ROBO2: variants seen among roughly 807,000 people sequenced by gnomAD.
The protein encoded by ROBO2 is roundabout guidance receptor 2.
A neutral mutation model predicts 160.8 loss-of-function variants in ROBO2; 53 were observed. The ratio of observed to expected loss-of-function variants is 0.33; its 90% CI spans 0.26 to 0.41. The LOEUF is 0.41. Ranked by LOEUF, ROBO2 falls within the 10% of genes least tolerant of loss-of-function variation. ROBO2 has a pLI of 1.00. For synonymous variants in ROBO2, 664 were observed against 611.7 expected, an observed-to-expected ratio of 1.09 and a Z score of -1.26; for missense variants, 1,577 against 1,722.4, an observed-to-expected ratio of 0.92 and a Z score of 1.49.
intron 5 of ROBO2, among the ~76,000 whole-genome samples, chr3:77,515,155 A>G (rs2089870448): frequency 6.6e-6 from 1 of 151,726 alleles, no homozygotes; most frequent in Non-Finnish European, 1.5e-5. Flanking sequence ...TCTGATCACA[A>G]TTACAGGCCT....
chr3:77,306,403 G>A (rs1022015998), intron 2 of ROBO2, among the ~76,000 whole-genome samples: 3 of 151,936 alleles, frequency 2.0e-5, no homozygotes, highest in Admixed American at 6.6e-5. Context: ...GCAAAGCAAC[G>A]CAAATGTATA....
At position 77,398,406 on chromosome 3, in the gene ROBO2, CAG is replaced by C. The variant is rs1240149719; in HGVS notation, c.389-79002_389-79001del. The stretch of plus-strand genomic sequence containing the variant: ...GATATTGTTTTGTTCTTGAAACAAT[CAG>C]AGAGATACAATCAGAGAGAAACAGG... On this transcript the variant is annotated intron_variant, in intron 2 of 25. Coordinates refer to ENST00000461745, the Ensembl canonical transcript of ROBO2. 7.9e-5 allele frequency among the ~76,000 whole-genome samples: 12 copies of C among 151,646 alleles called. No individual in the cohort carries two copies. The East Asian group carries it at 1.9e-3, about 25-fold the overall frequency.
chr3:76,991,687 A>G (rs567225993), intron 2 of ROBO2, among the ~76,000 whole-genome samples: 227 of 152,354 alleles, frequency 1.5e-3, no homozygotes, highest in Non-Finnish European at 2.8e-3. Context: ...TTAGATTAAC[A>G]TATTATGCTT....
At chr3:76,024,398 G>A (rs112505032) in intron 2 of ROBO2, among the ~76,000 whole-genome samples, 38 of 150,792 alleles carry the variant, frequency 2.5e-4, no homozygotes, top group East Asian at 5.9e-4. Context: ...ACCTTGAGTC[G>A]AGTTTTCTTT....
At chr3:76,737,983 A>T (rs1317174015) in intron 2 of ROBO2, among the ~76,000 whole-genome samples, 1 of 151,878 alleles carries the variant, frequency 6.6e-6, no homozygotes, top group African/African-American at 2.4e-5. Context: ...AAAATACAAA[A>T]ATTAGCTGGG....
At chr3:76,788,238 G>A (rs1030570041) in intron 2 of ROBO2, among the ~76,000 whole-genome samples, 1 of 151,336 alleles carries the variant, frequency 6.6e-6, no homozygotes, top group African/African-American at 2.4e-5. Context: ...TGTGTGAGAA[G>A]AGGAAACAAT....
chr3:76,447,041 G>T (rs1203966986), intron 2 of ROBO2, among the ~76,000 whole-genome samples: 1 of 152,136 alleles, frequency 6.6e-6, no homozygotes, highest in African/African-American at 2.4e-5. Flanking sequence ...ATTGACAGAT[G>T]GGATCTAATT....
At chr3:76,210,137 A>G (rs1276656253) in intron 2 of ROBO2, among the ~76,000 whole-genome samples, 1 of 152,098 alleles carries the variant, frequency 6.6e-6, no homozygotes, top group African/African-American at 2.4e-5. Context: ...CCCTTCTAAT[A>G]TATGTAAATG....
At chr3:76,910,551 C>A (rs1428432279) in intron 2 of ROBO2, among the ~76,000 whole-genome samples, 1 of 151,602 alleles carries the variant, frequency 6.6e-6, no homozygotes, top group African/African-American at 2.4e-5. Context: ...CATGGTGAAA[C>A]CCCGTCTCTG....
chr3:76,210,486 A>G (rs1703073231), intron 2 of ROBO2, among the ~76,000 whole-genome samples: 1 of 152,088 alleles, frequency 6.6e-6, no homozygotes, highest in African/African-American at 2.4e-5. Flanking sequence ...CCCAAACAGT[A>G]GGTTATATTG....
At chr3:76,757,297 A>G (rs2061029146) in intron 2 of ROBO2, among the ~76,000 whole-genome samples, 1 of 151,850 alleles carries the variant, frequency 6.6e-6, no homozygotes, top group Non-Finnish European at 1.5e-5. Flanking sequence ...GTAAAATGCA[A>G]TTACATGATA....
chr3:77,195,581 T>C (rs2082238628), intron 2 of ROBO2, among the ~76,000 whole-genome samples: 1 of 152,206 alleles, frequency 6.6e-6, no homozygotes, highest in Admixed American at 6.5e-5. Context: ...GAAGTATAGT[T>C]CACAGCAAAC....
chr3:76,965,819 TATTA>T (rs2059256568), intron 2 of ROBO2, among the ~76,000 whole-genome samples: 1 of 114,434 alleles, frequency 8.7e-6, no homozygotes, highest in South Asian at 2.7e-4. Context: ...ATTTCTTTAA[TATTA>T]ATTATTATTT....
At chr3:77,010,833 C>T (rs1161634364) in intron 2 of ROBO2, among the ~76,000 whole-genome samples, 1 of 64,022 alleles carries the variant, frequency 1.6e-5, no homozygotes, top group Non-Finnish European at 4.0e-5. Context: ...TTCCTTCCTT[C>T]CTCCCTCCCT....
Position 76,451,949 on chromosome 3 carries a change from T to G in ROBO2, c.109+514347T>G, listed in dbSNP as rs1192904176. On this transcript the variant is annotated intron_variant, in intron 2 of 26. Coordinates refer to the ROBO2 transcript ENST00000487694. ...CTCATATCTACCAATTATTTCTCTT[T>G]CTTTATGTTAGATTTATGTTGGTAT... 3.3e-5 allele frequency among the ~76,000 whole-genome samples: 5 copies of G among 152,130 alleles called. No homozygotes were observed. The East Asian group carries it at 7.7e-4, about 23-fold the overall frequency.
At chr3:76,269,691 C>T (rs1365881868) in intron 2 of ROBO2, among the ~76,000 whole-genome samples, 1 of 151,936 alleles carries the variant, frequency 6.6e-6, no homozygotes, top group African/African-American at 2.4e-5. Context: ...TTATAACCTC[C>T]CTTACATTTT....
At chr3:76,927,841 T>G (rs947731744) in intron 2 of ROBO2, among the ~76,000 whole-genome samples, 1 of 152,106 alleles carries the variant, frequency 6.6e-6, no homozygotes, top group Non-Finnish European at 1.5e-5. Context: ...TGGAAAAATT[T>G]TGTGAGTGAT....
chr3:76,094,115 C>G (rs1269974511), intron 2 of ROBO2, among the ~76,000 whole-genome samples: 1 of 151,956 alleles, frequency 6.6e-6, no homozygotes, highest in Non-Finnish European at 1.5e-5. Context: ...GTATAACAAT[C>G]TCGAGTGCAC....
At chr3:76,006,249 C>G (rs1471443137) in intron 2 of ROBO2, among the ~76,000 whole-genome samples, 1 of 151,982 alleles carries the variant, frequency 6.6e-6, no homozygotes, top group Non-Finnish European at 1.5e-5. Flanking sequence ...GAATTTGTTA[C>G]TTGAAGTGGA....
Sources: allele counts gnomAD v4.1 joint callset (sites outside exome capture counted in the v4.1 genomes callset), GRCh38; gene constraint gnomAD v4.1.1; transcripts MANE v1.5; gene names NCBI Gene and HGNC (gene_info 2026-07-23, HGNC 2026-07-21).